The following GPSM1 variants were observed in gnomAD, a reference collection of about 807,000 sequenced individuals.
The protein encoded by GPSM1 is G protein-signaling modulator 1.
Under a neutral mutation model 70.5 loss-of-function variants are expected in GPSM1, and 48 were observed. The observed-to-expected ratio is 0.68, with a 90% CI of 0.54 to 0.87. GPSM1 has a LOEUF of 0.87. GPSM1 is among the 40% of genes least tolerant of loss of function. The pLI, the probability that GPSM1 is intolerant of heterozygous loss-of-function variation, is 0.00. For synonymous variants in GPSM1, 416 were observed against 430.1 expected (o/e 0.97, Z 0.41); for missense variants, 981 against 972.6 (o/e 1.01, Z -0.11).
At chr9:136,337,162 A>T (rs1832261274) in intron 4 of GPSM1, 90 bp downstream of exon 4, 3 of 1,235,528 alleles carry the variant, frequency 2.4e-6, no homozygotes, top group Admixed American at 5.2e-5. Context: ...CCCCAGCCCC[A>T]TACCTCCCGA....
At chr9:136,332,382 A>G (rs1832121509) in intron 1 of GPSM1, among the ~76,000 whole-genome samples, 1 of 152,216 alleles carries the variant, frequency 6.6e-6, no homozygotes, top group Non-Finnish European at 1.5e-5. Flanking sequence ...CCAGGCCAGA[A>G]GCCTCCTTCG....
chr9:136,327,657 G>C lies in GPSM1; in HGVS notation c.-39G>C, dbSNP rs1294269635. The stretch of plus-strand genomic sequence containing the variant: ...GGCAGGGGGCGGACGGCCACGGCGC[G>C]GGGGGCGCTCCCGGCTCCCGCTCCC... On this transcript the variant is annotated 5_prime_UTR_variant, in exon 1 of 14. Transcript: ENST00000440944. 3 of 780,320 alleles carry C rather than the reference G, an allele frequency of 3.8e-6. No individual in the cohort carries two copies. The highest frequency in any genetic ancestry group is 4.8e-6 in the Non-Finnish European group (3 of 623,874). 48.3% of individuals were successfully genotyped at this position (780,320 alleles called of 1,614,324 possible).
chr9:136,333,413 G>A (rs781943342), intron 1 of GPSM1, among the ~76,000 whole-genome samples: 4 of 151,778 alleles, frequency 2.6e-5, no homozygotes, highest in Non-Finnish European at 4.4e-5. Context: ...GGGCAGCCAC[G>A]GAGTGACCCC....
chr9:136,352,226 G>A (rs367942836), intron 11 of GPSM1, among the ~76,000 whole-genome samples: 3,357 of 37,872 alleles, frequency 0.089, 762 homozygotes, highest in East Asian at 0.18. Flanking sequence ...TGGTGACACC[G>A]ATGCTGCGCC....
At chr9:136,350,638 G>T (rs1554771922) in intron 11 of GPSM1, among the ~76,000 whole-genome samples, 1 of 152,194 alleles carries the variant, frequency 6.6e-6, no homozygotes, top group Non-Finnish European at 1.5e-5. Flanking sequence ...GGTCCACTCA[G>T]GGTTCCTCCT....
chr9:136,331,160 G>A (rs890386281), intron 1 of GPSM1, among the ~76,000 whole-genome samples: 2 of 152,328 alleles, frequency 1.3e-5, no homozygotes, highest in Middle Eastern at 3.4e-3. Flanking sequence ...GACGCCGGGG[G>A]CTTGGGAAGT....
chr9:136,338,776 G>A lies in GPSM1; in HGVS notation c.974+66G>A, dbSNP rs565788598. The A allele has an allele frequency of 2.5e-4, 358 of 1,460,816 alleles. 1 individual carries two copies. In the African/African-American group the frequency reaches 4.2e-3, roughly 17 times the overall value. The allele number at this position is 1,460,816 out of a possible 1,614,324, so 90.5% of individuals were successfully genotyped here. A position where few individuals can be genotyped will look rare whatever the true frequency, so the allele number is the denominator to read the frequency against. ...CACAGGCTGAATTACCGCGGCCCAG[G>A]CGAGGTGGCCTGGGTCCCATCCCCT... On this transcript the variant is annotated intron_variant, in intron 7 of 13. Coordinates refer to ENST00000440944, the MANE Select transcript of GPSM1 (RefSeq NM_001145638.3).
chr9:136,332,560 G>A (rs1255800071), intron 1 of GPSM1, among the ~76,000 whole-genome samples: 1 of 152,208 alleles, frequency 6.6e-6, no homozygotes, highest in Non-Finnish European at 1.5e-5. Flanking sequence ...AACCGAGTGA[G>A]ACCACTTGAA....
chr9:136,335,902 T>TC (rs1430000474), intron 2 of GPSM1, 64 bp from the exon 3 acceptor site: 20 of 1,541,862 alleles, frequency 1.3e-5, no homozygotes, highest in South Asian at 5.8e-5. Context: ...ATGCTCAGCC[T>TC]CCCCCCGGGC....
rs1437736389 is a variant in GPSM1, at chr9:136,327,606, CGGACAGCAGGGA to C, written c.-78_-67del. On this transcript the variant is annotated 5_prime_UTR_variant, in exon 1 of 14. Transcript: ENST00000440944. ...GCGGACGGACAGGCGGACAGCAGGG[CGGACAGCAGGGA>C]GGACAGCAGGGCGGGCAGGGGGCGG... 1,597 of 244,998 alleles carry C rather than the reference CGGACAGCAGGGA, an allele frequency of 6.5e-3. 22 individuals are homozygous for C. The highest frequency in any genetic ancestry group is 0.035 in the African/African-American group (1,450 of 41,466). The allele number at this position is 244,998 out of a possible 1,614,324, so 15.2% of individuals were successfully genotyped here. A position where few individuals can be genotyped will look rare whatever the true frequency, so the allele number is the denominator to read the frequency against.
chr9:136,358,159 C>T lies in GPSM1; in HGVS notation c.1967C>T (p.Pro656Leu), dbSNP rs374281491. The T allele has an allele frequency of 2.3e-5, 37 of 1,596,922 alleles. No homozygotes were observed. In the East Asian group the frequency reaches 3.9e-4, roughly 17 times the overall value. Reference sequence around the variant, plus strand: ...CAGCGGGTGGACCTCGCCGGGGGCCCGGAGCAGGGGGCAGGCGGCCCGCCC... The same window carrying T: ...CAGCGGGTGGACCTCGCCGGGGGCCTGGAGCAGGGGGCAGGCGGCCCGCCC... ...DEQRVDLAGGPEQGAGGPPEP... is the reference protein window; with the variant it reads ...DEQRVDLAGGLEQGAGGPPEP... The change falls in exon 14 of 14, where the codon CCG becomes CTG. Residue 656 changes from proline (P) to leucine (L), a missense_variant. By Grantham distance (98) the Pro-to-Leu change is moderately conservative. Coordinates refer to ENST00000440944, the MANE Select transcript of GPSM1 (RefSeq NM_001145638.3).
At chr9:136,332,783 T>C (rs1476478645) in intron 1 of GPSM1, among the ~76,000 whole-genome samples, 9 of 148,148 alleles carry the variant, frequency 6.1e-5, no homozygotes, top group Admixed American at 2.1e-4. Context: ...AGAGGATCAC[T>C]TGAGCTCAGG....
rs1462694826 is a variant in GPSM1, at chr9:136,341,185, C to A, written c.1207+192C>A. ...AGGTTCACCCTGAGCCCTTCCCACC[C>A]GCATCCTGAGTGGCGCTGCAGGGCT... is the stretch of plus-strand genomic sequence containing the variant. On this transcript the variant is annotated intron_variant, in intron 9 of 13. Coordinates refer to ENST00000440944, the MANE Select transcript of GPSM1 (RefSeq NM_001145638.3). This position sits in a 1 kb window ranked among gnomAD's most constrained non-coding sequence, Gnocchi z 6.7. 4 of 1,546,570 alleles carry A rather than the reference C, an allele frequency of 2.6e-6. No homozygotes were observed. The highest frequency in any genetic ancestry group is 2.6e-6 in the Non-Finnish European group (3 of 1,144,986).
At chr9:136,331,883 G>A (rs782606043) in intron 1 of GPSM1, 40 of 396,664 alleles carry the variant, frequency 1.0e-4, no homozygotes, top group Non-Finnish European at 1.6e-4. Flanking sequence ...GTCCCCCGCC[G>A]AGCTTTAAAC....
Position 136,349,647 on chromosome 9 carries a change from C to T in GPSM1, c.1339C>T (p.Pro447Ser), listed in dbSNP as rs1554771753. 1.3e-6 allele frequency: 2 copies of T among 1,550,370 alleles called. No individual in the cohort carries two copies. Among genetic ancestry groups the T allele is most frequent in the East Asian group, 2.4e-5 (1 of 41,010 alleles). Residue 447 changes from proline to serine, a missense_variant, in exon 11 of 14, where the codon CCC (proline) becomes TCC (serine). By Grantham distance (74) the Pro-to-Ser change is moderately conservative. Transcript: ENST00000440944. ...GCGGGGGCCCAGCAGGGACTCGCTA[C>T]CCCTCCCCGTGAGGAGCAGGAAGTA... ...DWRGPSRDSL[P>S]LPVRSRKYQE...
At chr9:136,351,815 C>T (rs1554772134) in intron 11 of GPSM1, among the ~76,000 whole-genome samples, 2 of 152,378 alleles carry the variant, frequency 1.3e-5, no homozygotes, top group South Asian at 4.1e-4. Flanking sequence ...GGCCTCTTGG[C>T]TTTCTGCTGA....
intron 11 of GPSM1, chr9:136,354,904 G>A (rs567641963): frequency 5.9e-6 from 6 of 1,017,254 alleles, no homozygotes; most frequent in African/African-American, 5.2e-5. Context: ...CGGGATGTCT[G>A]GGAAGTGTTC....
Position 136,338,714 on chromosome 9 carries a change from C to A in GPSM1, c.974+4C>A. The A allele has an allele frequency of 1.3e-6, 2 of 1,546,728 alleles. No homozygotes were observed. Among genetic ancestry groups the A allele is most frequent in the Non-Finnish European group, 1.7e-6 (2 of 1,147,258 alleles). ...TTGCCCAGGAGCTGGCCGACAGGTG[C>A]GTGGGCGCGGACGCGGCGGGCAGAC... On this transcript the variant is annotated splice_donor_region_variant and intron_variant, in intron 7 of 13. Transcript: ENST00000440944.
chr9:136,358,392 C>G lies in GPSM1; in HGVS notation c.*172C>G, dbSNP rs543716707. 7.8e-6 allele frequency: 5 copies of G among 644,928 alleles called. No individual in the cohort carries two copies. The Admixed American group carries it at 9.6e-5, about 12-fold the overall frequency. The allele number at this position is 644,928 out of a possible 1,614,324, so 40.0% of individuals were successfully genotyped here. A position where few individuals can be genotyped will look rare whatever the true frequency, so the allele number is the denominator to read the frequency against. ...GGCCAAGCTGCCCGTGGTGGGAGGG[C>G]GTGCTTCCATCCCGGGCTGGCCCCC... On this transcript the variant is annotated 3_prime_UTR_variant, in exon 14 of 14. Transcript: ENST00000440944.
Sources: gnomAD v4.1 joint callset for allele counts (sites outside exome capture counted in the v4.1 genomes callset) on GRCh38, gnomAD v4.1.1 for gene constraint, Gnocchi (gnomAD v3.1) non-coding constraint, MANE v1.5 for transcripts, NCBI Gene and HGNC (gene_info 2026-07-23, HGNC 2026-07-21) for gene names.